CHST15: variants seen among roughly 807,000 people sequenced by gnomAD.
CHST15 encodes B cell RAG associated protein (GALNAC4S-6ST).
A neutral mutation model predicts 53.6 loss-of-function variants in CHST15; 30 were observed. That is an observed-to-expected ratio of 0.56 (90% CI 0.42 to 0.76). The LOEUF (loss-of-function observed/expected upper bound fraction) is 0.76, where lower values mean the gene tolerates loss of function less well. Ranked by LOEUF, CHST15 falls within the 30% of genes least tolerant of loss-of-function variation. CHST15 has a pLI of 0.00. For missense variants in CHST15, 627 were observed against 740.5 expected (o/e 0.85, Z 1.78); for synonymous variants, 296 against 289.8 (o/e 1.02, Z -0.22).
chr10:124,013,082 T>C (rs567601153), intron 6 of CHST15, among the ~76,000 whole-genome samples: 25 of 152,336 alleles, frequency 1.6e-4, no homozygotes, highest in African/African-American at 4.1e-4. Flanking sequence ...CTCTCGTGCC[T>C]TACTGCAAGC....
chr10:124,058,633 C>T (rs1410377362), intron 1 of CHST15, among the ~76,000 whole-genome samples: 2 of 152,236 alleles, frequency 1.3e-5, no homozygotes, highest in Non-Finnish European at 2.9e-5. Flanking sequence ...CTCAGCCCAC[C>T]GGCCACCCGT....
intron 5 of CHST15, among the ~76,000 whole-genome samples, chr10:124,032,950 A>C (rs1338873901): frequency 1.3e-5 from 2 of 152,220 alleles, no homozygotes; most frequent in African/African-American, 2.4e-5. Flanking sequence ...AAAACTAAAA[A>C]TAAAAGTGGT....
chr10:124,080,133 C>G lies in CHST15; in HGVS notation c.-513+13336G>C, dbSNP rs185974962. Reference sequence around the variant, plus strand: ...GCAGCAGCTGCAGGCCAGCGAGCATCGGACAGGTGTTCTTCACCCAGAGAC... The same window carrying G: ...GCAGCAGCTGCAGGCCAGCGAGCATGGGACAGGTGTTCTTCACCCAGAGAC... On this transcript the variant is annotated intron_variant, in intron 1 of 7. Coordinates refer to ENST00000435907, the MANE Select transcript of CHST15 (RefSeq NM_001270764.2). 1.7e-3 allele frequency among the ~76,000 whole-genome samples: 258 copies of G among 152,316 alleles called. 2 individuals are homozygous for G. The highest frequency in any genetic ancestry group is 3.4e-3 in the Middle Eastern group (1 of 294).
At position 124,076,340 on chromosome 10, in the gene CHST15, G is replaced by A. The variant is rs150323863; in HGVS notation, c.-513+17129C>T. ...CCCTGTCTGTTCTGAAGAGCCTAGC[G>A]GTAGACTGTCCCAGATTCCCGATGC... On this transcript the variant is annotated intron_variant, in intron 1 of 7. Transcript: ENST00000435907. Among the ~76,000 whole-genome samples, 285 of 152,318 alleles carry A rather than the reference G, an allele frequency of 1.9e-3. 1 individual carries two copies. The Middle Eastern group carries it at 0.027, about 15-fold the overall frequency.
At position 124,046,285 on chromosome 10, in the gene CHST15, A is replaced by G; in HGVS notation, c.-73T>C. 7.0e-7 allele frequency: 1 copy of G among 1,428,160 alleles called. No homozygotes were observed. Among genetic ancestry groups the G allele is most frequent in the East Asian group, 2.3e-5 (1 of 43,408 alleles). The allele number at this position is 1,428,160 out of a possible 1,614,324, so 88.5% of individuals were successfully genotyped here. On this transcript the variant is annotated 5_prime_UTR_variant, in exon 2 of 8. Transcript: ENST00000435907. ...CCCCCCACGAGTCTGGATGTCCGCA[A>G]GTCGTGCTAGAAAACCTTAAGAATG...
intron 6 of CHST15, among the ~76,000 whole-genome samples, chr10:124,015,904 CGAA>C (rs1946570795): frequency 6.6e-6 from 1 of 152,212 alleles, no homozygotes; most frequent in Non-Finnish European, 1.5e-5. Flanking sequence ...CCAGAGGGCA[CGAA>C]GGAGGGAGTG....
At chr10:124,016,419 C>G (rs1182710039) in intron 6 of CHST15, among the ~76,000 whole-genome samples, 1 of 152,138 alleles carries the variant, frequency 6.6e-6, no homozygotes, top group Non-Finnish European at 1.5e-5. Flanking sequence ...TGTGAGTTCT[C>G]CAGGGACTGA....
intron 1 of CHST15, among the ~76,000 whole-genome samples, chr10:124,088,196 G>T (rs1427477997): frequency 6.6e-6 from 1 of 152,240 alleles, no homozygotes; most frequent in Non-Finnish European, 1.5e-5. Flanking sequence ...AAGCCAGGGG[G>T]CGAAGTCTTC....
At position 124,009,799 on chromosome 10, in the gene CHST15, G is replaced by T. The variant is rs572559622; in HGVS notation, c.*350C>A. The T allele has an allele frequency of 9.3e-7, 1 of 1,078,066 alleles. No individual in the cohort carries two copies. Among genetic ancestry groups the T allele is most frequent in the Admixed American group, 4.9e-5 (1 of 20,446 alleles). The allele number at this position is 1,078,066 out of a possible 1,614,324, so 66.8% of individuals were successfully genotyped here. A position where few individuals can be genotyped will look rare whatever the true frequency, so the allele number is the denominator to read the frequency against. On this transcript the variant is annotated 3_prime_UTR_variant, in exon 8 of 8. Coordinates refer to ENST00000435907, the MANE Select transcript of CHST15 (RefSeq NM_001270764.2). ...TGACTCAGAACCCAGAGGCTCTCCA[G>T]AAGGCGGAGGCGGGCAGGGCCAGGC... is the stretch of plus-strand genomic sequence containing the variant.
At chr10:124,016,337 G>A (rs535464064) in intron 6 of CHST15, among the ~76,000 whole-genome samples, 131 of 152,252 alleles carry the variant, frequency 8.6e-4, no homozygotes, top group African/African-American at 2.9e-3. Flanking sequence ...GAGGGAAACC[G>A]GCTTCTCCTC....
At chr10:124,089,372 A>G (rs557691270) in intron 1 of CHST15, among the ~76,000 whole-genome samples, 1 of 152,198 alleles carries the variant, frequency 6.6e-6, no homozygotes. Flanking sequence ...CATCTCTGCA[A>G]TCCTGGGCCT....
Position 124,044,626 on chromosome 10 carries a change from C to G in CHST15, c.840G>C (p.Lys280Asn). 1 of 1,588,918 alleles carries G rather than the reference C, an allele frequency of 6.3e-7. No individual in the cohort carries two copies. The highest frequency in any genetic ancestry group is 8.6e-7 in the Non-Finnish European group (1 of 1,165,816). ...YDRLRLHPEV[K>N]FSAIKEPHWW... Reference sequence around the variant, plus strand: ...AGTGTGGCTCCTTGATGGCGGAGAACTTGACCTCAGGGTGCAGCCGCAGGC... The same window carrying G: ...AGTGTGGCTCCTTGATGGCGGAGAAGTTGACCTCAGGGTGCAGCCGCAGGC... Residue 280 changes from lysine to asparagine, a missense_variant, in exon 3 of 8, where the codon AAG becomes AAC. Coordinates refer to ENST00000435907, the MANE Select transcript of CHST15 (RefSeq NM_001270764.2).
intron 1 of CHST15, among the ~76,000 whole-genome samples, chr10:124,059,963 G>T (rs149285070): frequency 3.3e-5 from 5 of 152,292 alleles, no homozygotes; most frequent in Admixed American, 6.5e-5. Context: ...TCTCCAGGGG[G>T]TCACCTGAAG....
intron 5 of CHST15, among the ~76,000 whole-genome samples, chr10:124,025,896 T>G (rs533618978): frequency 8.9e-4 from 135 of 152,216 alleles, no homozygotes; most frequent in African/African-American, 3.2e-3. Context: ...TTTTATCCCT[T>G]AGGGCCACCA....
At chr10:124,079,285 T>C (rs1949168117) in intron 1 of CHST15, among the ~76,000 whole-genome samples, 1 of 152,256 alleles carries the variant, frequency 6.6e-6, no homozygotes, top group Non-Finnish European at 1.5e-5. Context: ...TGACAAAGGA[T>C]CACTCTTAAG....
rs1946322090 is a variant in CHST15 at position 124,008,322 on chromosome 10, C to T, written c.*1827G>A. On this transcript the variant is annotated 3_prime_UTR_variant, in exon 8 of 8. Coordinates refer to ENST00000435907, the MANE Select transcript of CHST15 (RefSeq NM_001270764.2). ...AACTGAACAGAACCCACTCAGAAGACGCACTCACCCACACGTGCGCGTACA... is the reference window on the plus strand; with the variant it reads ...AACTGAACAGAACCCACTCAGAAGATGCACTCACCCACACGTGCGCGTACA... 1.8e-5 allele frequency: 20 copies of T among 1,100,352 alleles called. No individual in the cohort carries two copies. Among genetic ancestry groups the T allele is most frequent in the Admixed American group, 5.1e-5 (1 of 19,438 alleles). The allele number at this position is 1,100,352 out of a possible 1,614,324, so 68.2% of individuals were successfully genotyped here.
At chr10:124,081,727 A>T (rs1431379597) in intron 1 of CHST15, among the ~76,000 whole-genome samples, 1 of 152,224 alleles carries the variant, frequency 6.6e-6, no homozygotes, top group Non-Finnish European at 1.5e-5. Context: ...GACCAGCCTG[A>T]GGACACAGCC....
chr10:124,051,972 G>A (rs140509534), intron 1 of CHST15, among the ~76,000 whole-genome samples: 373 of 152,248 alleles, frequency 2.4e-3, no homozygotes, highest in African/African-American at 8.7e-3. Flanking sequence ...GAAGAAATCT[G>A]GATGGATTTA....
intron 7 of CHST15, 173 bp from the exon 8 acceptor site, chr10:124,010,512 G>A: frequency 2.0e-6 from 2 of 985,482 alleles, no homozygotes; most frequent in Non-Finnish European, 1.2e-6. Flanking sequence ...GAGGGAGGAA[G>A]GTGGAAACAC....
Sources: allele counts gnomAD v4.1 joint callset (sites outside exome capture counted in the v4.1 genomes callset), GRCh38; gene constraint gnomAD v4.1.1; transcripts MANE v1.5; gene names NCBI Gene and HGNC (gene_info 2026-07-23, HGNC 2026-07-21).